Variants in GALNT17 observed in about 807,000 individuals in gnomAD.
GALNT17 encodes UDP-GalNAc:polypeptide N-acetylgalactosaminyltransferase-like 3.
Under a neutral mutation model 63.7 loss-of-function variants are expected in GALNT17, and 29 were observed. That is an observed-to-expected ratio of 0.46 (90% confidence interval 0.34 to 0.62). The LOEUF is 0.62. Among genes scored for constraint, GALNT17 ranks in the 20% least tolerant of loss-of-function variants. GALNT17 has a pLI of 0.01. For synonymous variants in GALNT17, 305 were observed against 318.3 expected, an observed-to-expected ratio of 0.96 and a Z score of 0.45; for missense variants, 603 against 799.6, an observed-to-expected ratio of 0.75 and a Z score of 2.97.
At chr7:71,236,135 C>A (rs186511516) in intron 1 of GALNT17, among the ~76,000 whole-genome samples, 1 of 151,562 alleles carries the variant, frequency 6.6e-6, no homozygotes, top group Non-Finnish European at 1.5e-5. Context: ...GAGCTGAGAT[C>A]GCGCCACTGC....
At chr7:71,396,217 T>G (rs1448889005) in intron 3 of GALNT17, among the ~76,000 whole-genome samples, 1 of 152,174 alleles carries the variant, frequency 6.6e-6, no homozygotes, top group Non-Finnish European at 1.5e-5. Flanking sequence ...AATTGAACCT[T>G]TGTTTTCTTC....
intron 5 of GALNT17, among the ~76,000 whole-genome samples, chr7:71,456,861 T>C (rs1385142878): frequency 6.6e-6 from 1 of 152,120 alleles, no homozygotes; most frequent in Non-Finnish European, 1.5e-5. Flanking sequence ...CTTTTATACA[T>C]TTTAGGGAGA....
At chr7:71,295,420 C>T (rs73356047) in intron 1 of GALNT17, among the ~76,000 whole-genome samples, 2,921 of 151,376 alleles carry the variant, frequency 0.019, 82 homozygotes, top group African/African-American at 0.066. Flanking sequence ...CCCTTCTCTT[C>T]CCCTTCCCTC....
chr7:71,508,884 G>A (rs1563144293), intron 5 of GALNT17, among the ~76,000 whole-genome samples: 1 of 152,096 alleles, frequency 6.6e-6, no homozygotes, highest in Non-Finnish European at 1.5e-5. Context: ...TTCCCAGGAA[G>A]GTACCCTGGA....
chr7:71,278,938 TTTAA>T (rs1462202810), intron 1 of GALNT17, among the ~76,000 whole-genome samples: 1 of 151,806 alleles, frequency 6.6e-6, no homozygotes, highest in Non-Finnish European at 1.5e-5. Context: ...TCTTTTTTTT[TTTAA>T]TTGAGATGGA....
Position 71,385,292 on chromosome 7 carries a change from A to C in GALNT17, c.423-2943A>C, listed in dbSNP as rs1583908873. On this transcript the variant is annotated intron_variant, in intron 2 of 10. Coordinates refer to ENST00000333538, the MANE Select transcript of GALNT17 (RefSeq NM_022479.3). ...GAGGCTGAGCTCAGGCCCAGTGGTCACCTGCCCAGCCCGGCAGTCATCTGC... is the reference window on the plus strand; with the variant it reads ...GAGGCTGAGCTCAGGCCCAGTGGTCCCCTGCCCAGCCCGGCAGTCATCTGC... Among the ~76,000 whole-genome samples, 4 of 152,058 alleles carry C rather than the reference A, an allele frequency of 2.6e-5. No homozygotes were observed. In the South Asian group the frequency reaches 8.3e-4, roughly 32 times the overall value.
At chr7:71,374,380 G>C (rs775849077) in intron 2 of GALNT17, among the ~76,000 whole-genome samples, 1 of 152,206 alleles carries the variant, frequency 6.6e-6, no homozygotes, top group Non-Finnish European at 1.5e-5. Flanking sequence ...CAGCCAGAAC[G>C]GCTGGGCTCA....
intron 1 of GALNT17, among the ~76,000 whole-genome samples, chr7:71,247,525 C>T (rs1047580735): frequency 2.6e-5 from 4 of 152,108 alleles, no homozygotes; most frequent in Non-Finnish European, 5.9e-5. Context: ...GGCGCAATCT[C>T]GGCTCACTGC....
intron 1 of GALNT17, among the ~76,000 whole-genome samples, chr7:71,167,083 C>T (rs1788456101): frequency 7.4e-6 from 1 of 135,814 alleles, no homozygotes; most frequent in Non-Finnish European, 1.5e-5. Flanking sequence ...GACAGGGTCT[C>T]TCTGTGTTGC....
chr7:71,387,297 C>A (rs558880622), intron 2 of GALNT17, among the ~76,000 whole-genome samples: 44 of 150,170 alleles, frequency 2.9e-4, no homozygotes, highest in Non-Finnish European at 5.8e-4. Context: ...TTTGCACCAA[C>A]CTAATACATC....
intron 5 of GALNT17, among the ~76,000 whole-genome samples, chr7:71,538,298 G>A (rs1236669825): frequency 6.6e-6 from 1 of 152,078 alleles, no homozygotes; most frequent in East Asian, 1.9e-4. Context: ...GCTTGCCACG[G>A]CTATTTCAAG....
chr7:71,465,733 G>C (rs1435027056), intron 5 of GALNT17, among the ~76,000 whole-genome samples: 1 of 152,234 alleles, frequency 6.6e-6, no homozygotes, highest in Non-Finnish European at 1.5e-5. Context: ...GGAGCCTTCA[G>C]AGTGGAGAGC....
At chr7:71,535,257 A>G (rs1241641054) in intron 5 of GALNT17, among the ~76,000 whole-genome samples, 2 of 152,202 alleles carry the variant, frequency 1.3e-5, no homozygotes, top group African/African-American at 4.8e-5. Flanking sequence ...GTCTAGCAAT[A>G]GGTTGCCTGA....
At chr7:71,299,001 C>T (rs1283963435) in intron 1 of GALNT17, among the ~76,000 whole-genome samples, 1 of 152,122 alleles carries the variant, frequency 6.6e-6, no homozygotes, top group African/African-American at 2.4e-5. Flanking sequence ...TAAGTCACCA[C>T]CCTTGCAACT....
chr7:71,530,175 T>C (rs772453649), intron 5 of GALNT17, among the ~76,000 whole-genome samples: 3 of 152,224 alleles, frequency 2.0e-5, no homozygotes, highest in Non-Finnish European at 4.4e-5. Context: ...GGGCAAGTCC[T>C]GGGTCCCTGC....
intron 6 of GALNT17, 131 bp downstream of exon 6, chr7:71,571,533 T>TG: frequency 1.3e-6 from 1 of 758,980 alleles, no homozygotes; most frequent in South Asian, 1.6e-5. Flanking sequence ...ACCTTGTTCC[T>TG]GGGGGATGCA....
intron 1 of GALNT17, among the ~76,000 whole-genome samples, chr7:71,193,380 G>A (rs988238563): frequency 1.5e-4 from 22 of 150,712 alleles, no homozygotes; most frequent in African/African-American, 5.1e-4. Flanking sequence ...GATTACAGGT[G>A]TAAGCCACCA....
At chr7:71,597,240 C>T (rs1789900034) in intron 6 of GALNT17, among the ~76,000 whole-genome samples, 1 of 151,800 alleles carries the variant, frequency 6.6e-6, no homozygotes, top group African/African-American at 2.4e-5. Context: ...AGGGTTTCAC[C>T]ATGTTAGCCA....
intron 2 of GALNT17, among the ~76,000 whole-genome samples, chr7:71,341,977 G>A (rs1792013453): frequency 6.6e-6 from 1 of 152,204 alleles, no homozygotes; most frequent in Admixed American, 6.5e-5. Context: ...TGTCTCTAAA[G>A]GAGGTGGGAA....
Sources: allele counts gnomAD v4.1 joint callset (sites outside exome capture counted in the v4.1 genomes callset), GRCh38; gene constraint gnomAD v4.1.1; transcripts MANE v1.5; gene names NCBI Gene and HGNC (gene_info 2026-07-23, HGNC 2026-07-21).